The following TRIQK variants were observed in gnomAD, a reference collection of about 807,000 sequenced individuals.
The protein encoded by TRIQK is triple QxxK/R motif-containing protein.
A neutral mutation model predicts 10.8 loss-of-function variants in TRIQK; 10 were observed. The observed-to-expected ratio is 0.92, with a 90% CI of 0.57 to 1.57. The LOEUF is 1.57. Among genes scored for constraint, TRIQK ranks in the 40% most tolerant of loss-of-function variants. The pLI is 0.00. For missense variants in TRIQK, 107 were observed against 97.7 expected (o/e 1.09, Z -0.40); for synonymous variants, 33 against 33.7 (o/e 0.98, Z 0.07).
At chr8:92,922,762 T>C (rs1810253748) in intron 2 of TRIQK, among the ~76,000 whole-genome samples, 1 of 151,798 alleles carries the variant, frequency 6.6e-6, no homozygotes, top group Admixed American at 6.6e-5. Flanking sequence ...TGAACAGACA[T>C]TTTATAGGTA....
chr8:92,953,016 T>G (rs1244684886), intron 2 of TRIQK, among the ~76,000 whole-genome samples: 1 of 152,072 alleles, frequency 6.6e-6, no homozygotes, highest in Non-Finnish European at 1.5e-5. Context: ...TGCTTGTTTC[T>G]ACAGCATAAC....
intron 3 of TRIQK, among the ~76,000 whole-genome samples, chr8:92,898,848 T>TATATATATATATAG (rs1808760853): frequency 1.5e-5 from 2 of 134,826 alleles, no homozygotes; most frequent in Non-Finnish European, 3.2e-5. Flanking sequence ...TATATATATA[T>TATATATATATATAG]ATATATATAT....
chr8:92,908,712 A>G (rs1809411386), intron 3 of TRIQK, among the ~76,000 whole-genome samples: 1 of 152,096 alleles, frequency 6.6e-6, no homozygotes, highest in South Asian at 2.1e-4. Flanking sequence ...AGACCACACC[A>G]ATTAAGATAC....
chr8:92,910,264 T>C (rs1809501392), intron 3 of TRIQK, among the ~76,000 whole-genome samples: 1 of 151,300 alleles, frequency 6.6e-6, no homozygotes, highest in Non-Finnish European at 1.5e-5. Context: ...AAAATCCTTA[T>C]TGTCTAAGTT....
At chr8:92,962,747 C>T (rs1812523910) in intron 1 of TRIQK, among the ~76,000 whole-genome samples, 1 of 152,118 alleles carries the variant, frequency 6.6e-6, no homozygotes. Flanking sequence ...CATTATAAAC[C>T]ACTAAGCACT....
intron 4 of TRIQK, chr8:92,887,028 T>G (rs574065229): frequency 1.1e-5 from 2 of 186,882 alleles, no homozygotes; most frequent in African/African-American, 4.7e-5. Flanking sequence ...TATATTTTTA[T>G]AGTTTGGATA....
At chr8:92,957,373 T>C (rs1812226797) in intron 1 of TRIQK, among the ~76,000 whole-genome samples, 1 of 151,772 alleles carries the variant, frequency 6.6e-6, no homozygotes, top group African/African-American at 2.4e-5. Context: ...CACATATATA[T>C]GTGAAGTAAG....
chr8:92,923,435 T>C (rs997668791), intron 2 of TRIQK, among the ~76,000 whole-genome samples: 3 of 151,864 alleles, frequency 2.0e-5, no homozygotes, highest in Non-Finnish European at 3.0e-5. Context: ...TTATGTCTCA[T>C]CACCTTCTTT....
chr8:92,896,571 G>C (rs1273473165), intron 3 of TRIQK, among the ~76,000 whole-genome samples: 1 of 152,152 alleles, frequency 6.6e-6, no homozygotes, highest in Non-Finnish European at 1.5e-5. Flanking sequence ...TGGGTGGTTT[G>C]AACCCAACAA....
intron 1 of TRIQK, among the ~76,000 whole-genome samples, chr8:92,984,826 T>C (rs374924153): frequency 6.6e-6 from 1 of 152,164 alleles, no homozygotes; most frequent in Admixed American, 6.5e-5. Context: ...TTTCCTCCAC[T>C]GTCTTCATTA....
At chr8:92,911,513 A>C (rs1395140188) in intron 3 of TRIQK, among the ~76,000 whole-genome samples, 1 of 151,538 alleles carries the variant, frequency 6.6e-6, no homozygotes, top group Admixed American at 6.6e-5. Context: ...AGGTTCAGTT[A>C]TATGCTGTCT....
intron 1 of TRIQK, among the ~76,000 whole-genome samples, chr8:92,971,152 A>G (rs1812873546): frequency 6.6e-6 from 1 of 151,814 alleles, no homozygotes; most frequent in African/African-American, 2.4e-5. Context: ...CCATTGGTCT[A>G]TGTGTCTGTT....
intron 3 of TRIQK, among the ~76,000 whole-genome samples, chr8:92,906,593 C>T (rs1481339072): frequency 6.6e-6 from 1 of 151,960 alleles, no homozygotes; most frequent in East Asian, 1.9e-4. Context: ...CACTCATCTT[C>T]CCCATACAAA....
chr8:92,961,217 A>C (rs1300204528), intron 1 of TRIQK, among the ~76,000 whole-genome samples: 1 of 152,196 alleles, frequency 6.6e-6, no homozygotes, highest in East Asian at 1.9e-4. Context: ...TTTAGCACTG[A>C]AAAAACTGTA....
At chr8:92,952,337 T>C (rs952938474) in intron 2 of TRIQK, among the ~76,000 whole-genome samples, 1 of 151,904 alleles carries the variant, frequency 6.6e-6, no homozygotes, top group African/African-American at 2.4e-5. Context: ...AGCTTATTCA[T>C]AGATTGAACA....
intron 4 of TRIQK, among the ~76,000 whole-genome samples, 191 bp downstream of exon 4, chr8:92,891,798 C>G (rs1377504811): frequency 6.6e-6 from 1 of 151,672 alleles, no homozygotes; most frequent in Non-Finnish European, 1.5e-5. Flanking sequence ...GTTTTAAGAC[C>G]CTTCAAAATC....
intron 2 of TRIQK, among the ~76,000 whole-genome samples, chr8:92,945,968 G>C (rs549183567): frequency 9.4e-4 from 142 of 151,542 alleles, no homozygotes; most frequent in African/African-American, 3.1e-3. Context: ...AATATGCTCT[G>C]GGCAGAAAAA....
At chr8:92,905,110 G>A (rs1051463600) in intron 3 of TRIQK, among the ~76,000 whole-genome samples, 5 of 151,894 alleles carry the variant, frequency 3.3e-5, no homozygotes, top group Non-Finnish European at 2.9e-5. Context: ...GAACAGACAC[G>A]TCTAAAAATA....
At chr8:92,949,780 GAAAAAGAAAGAA>G (rs1205817981) in intron 2 of TRIQK, among the ~76,000 whole-genome samples, 4 of 76,814 alleles carry the variant, frequency 5.2e-5, no homozygotes, top group African/African-American at 2.4e-4. Context: ...AGGAAAGAAA[GAAAAAGAAAGAA>G]AGAAAGAAAG....
Sources: gnomAD v4.1 joint callset for allele counts (sites outside exome capture counted in the v4.1 genomes callset) on GRCh38, gnomAD v4.1.1 for gene constraint, MANE v1.5 for transcripts, NCBI Gene and HGNC (gene_info 2026-07-23, HGNC 2026-07-21) for gene names.